The following HLCS variants were observed in gnomAD, a reference collection of about 807,000 sequenced individuals.
The protein encoded by HLCS is holocarboxylase synthetase, also known as biotin--protein ligase.
In HLCS, 53 loss-of-function variants were observed where a neutral mutation model predicts 75.0. The ratio of observed to expected loss-of-function variants is 0.71; its 90% confidence interval spans 0.57 to 0.89. The LOEUF (loss-of-function observed/expected upper bound fraction) is 0.89, where lower values mean the gene tolerates loss of function less well. Among genes scored for constraint, HLCS ranks in the 40% least tolerant of loss-of-function variants. The probability of loss-of-function intolerance (pLI) is 0.00; values close to 1 mark genes in which losing one functional copy is unlikely to be tolerated. For synonymous variants in HLCS, 431 were observed against 428.6 expected, an observed-to-expected ratio of 1.01 and a Z score of -0.07; for missense variants, 966 against 1,074.0, an observed-to-expected ratio of 0.90 and a Z score of 1.41.
chr21:36,946,202 T>C (rs1392603037), intron 2 of HLCS: 13 of 463,656 alleles, frequency 2.8e-5, no homozygotes, highest in Non-Finnish European at 3.7e-5. Flanking sequence ...TTACAACAGT[T>C]TGTGGCCCTC....
Position 36,817,749 on chromosome 21 carries a change from A to T in HLCS, c.1893-50464T>A, listed in dbSNP as rs571769148. Among the ~76,000 whole-genome samples the T allele has an allele frequency of 2.0e-5, 3 of 152,358 alleles. No homozygotes were observed. The South Asian group carries it at 6.2e-4, about 32-fold the overall frequency. On this transcript the variant is annotated intron_variant, in intron 6 of 10. Coordinates refer to ENST00000674895, the MANE Select transcript of HLCS (RefSeq NM_001352514.2). ...GGAATGTTTATGCCTAAAAAAGAAG[A>T]TTCTGTGTTCTATTGTGTCAGACGC... is the stretch of plus-strand genomic sequence containing the variant.
chr21:36,984,276 T>A (rs1425822065), intron 1 of HLCS, among the ~76,000 whole-genome samples: 1 of 152,166 alleles, frequency 6.6e-6, no homozygotes, highest in Admixed American at 6.5e-5. Context: ...CTATATATAT[T>A]GTTTTTTCCT....
chr21:36,817,280 C>T (rs1177572815), intron 6 of HLCS, among the ~76,000 whole-genome samples: 2 of 152,164 alleles, frequency 1.3e-5, no homozygotes, highest in Non-Finnish European at 2.9e-5. Context: ...TACGTCTTTG[C>T]TCAGTCTGGA....
intron 6 of HLCS, among the ~76,000 whole-genome samples, chr21:36,839,659 G>A (rs1051349266): frequency 1.3e-5 from 2 of 152,126 alleles, no homozygotes; most frequent in Non-Finnish European, 2.9e-5. Flanking sequence ...CATCACAGAA[G>A]ACATCCCAAC....
intron 6 of HLCS, among the ~76,000 whole-genome samples, chr21:36,810,764 A>C (rs2061488743): frequency 6.6e-6 from 1 of 152,186 alleles, no homozygotes; most frequent in South Asian, 2.1e-4. Context: ...TTCCTTCTAA[A>C]AATGTAGAAA....
intron 6 of HLCS, among the ~76,000 whole-genome samples, chr21:36,869,236 C>T (rs930270272): frequency 3.3e-5 from 5 of 151,976 alleles, no homozygotes; most frequent in African/African-American, 7.2e-5. Context: ...GCCATTCTCC[C>T]GCCTCAGCCT....
rs1425683930 is a variant in HLCS at position 36,812,089 on chromosome 21, T to C, written c.1893-44804A>G. 3.3e-5 allele frequency among the ~76,000 whole-genome samples: 5 copies of C among 152,222 alleles called. No homozygotes were observed. In the East Asian group the frequency reaches 9.7e-4, roughly 29 times the overall value. On this transcript the variant is annotated intron_variant, in intron 6 of 10. Coordinates refer to ENST00000674895, the MANE Select transcript of HLCS (RefSeq NM_001352514.2). ...CATGATCATTCTGCTCAACAAGAAC[T>C]TGCAGGAGCCACAGACCTGCCTCAC...
chr21:36,958,651 T>C (rs188261688), intron 2 of HLCS, among the ~76,000 whole-genome samples: 1 of 152,196 alleles, frequency 6.6e-6, no homozygotes, highest in East Asian at 1.9e-4. Flanking sequence ...TAGCTGGGCG[T>C]GGCAGCGTGC....
chr21:36,801,207 CTT>C (rs1265023531), intron 6 of HLCS, among the ~76,000 whole-genome samples: 4 of 152,196 alleles, frequency 2.6e-5, no homozygotes, highest in African/African-American at 4.8e-5. Context: ...AATGATTACC[CTT>C]GTCATTCGTG....
intron 5 of HLCS, among the ~76,000 whole-genome samples, chr21:36,902,896 C>T (rs1020756014): frequency 6.6e-6 from 1 of 152,154 alleles, no homozygotes; most frequent in Non-Finnish European, 1.5e-5. Flanking sequence ...AGAGAGGAGG[C>T]AGTGAGCTGA....
At chr21:36,920,814 T>C (rs946009628) in intron 5 of HLCS, among the ~76,000 whole-genome samples, 3 of 152,176 alleles carry the variant, frequency 2.0e-5, no homozygotes, top group African/African-American at 7.2e-5. Context: ...AAGCATTTTA[T>C]TAACTAAAAA....
At chr21:36,767,970 G>A (rs2090099908) in intron 6 of HLCS, among the ~76,000 whole-genome samples, 1 of 152,034 alleles carries the variant, frequency 6.6e-6, no homozygotes, top group African/African-American at 2.4e-5. Flanking sequence ...CACCAAATGA[G>A]TCGATATTAA....
chr21:36,943,596 G>A (rs2067247563), intron 2 of HLCS: 1 of 152,148 alleles, frequency 6.6e-6, no homozygotes, highest in Non-Finnish European at 1.5e-5. Context: ...TGAGGCAGAA[G>A]GATCAGGAAT....
intron 1 of HLCS, among the ~76,000 whole-genome samples, chr21:36,982,513 T>C (rs1045305908): frequency 6.6e-6 from 1 of 152,230 alleles, no homozygotes; most frequent in Admixed American, 6.5e-5. Flanking sequence ...TCAAACACAT[T>C]TTCCTTTCAA....
intron 5 of HLCS, among the ~76,000 whole-genome samples, chr21:36,913,115 C>G (rs922789505): frequency 5.3e-5 from 8 of 152,084 alleles, no homozygotes; most frequent in African/African-American, 1.9e-4. Context: ...TCATTAGCAC[C>G]GTCCACAGCA....
chr21:36,865,395 AG>A (rs1180029648), intron 6 of HLCS, among the ~76,000 whole-genome samples: 3 of 152,160 alleles, frequency 2.0e-5, no homozygotes, highest in African/African-American at 7.2e-5. Flanking sequence ...AAAGAAGCAA[AG>A]ATGGAAAAAG....
At chr21:36,867,860 C>T (rs1231656907) in intron 6 of HLCS, among the ~76,000 whole-genome samples, 3 of 152,102 alleles carry the variant, frequency 2.0e-5, no homozygotes, top group Admixed American at 2.0e-4. Flanking sequence ...TGACCAGGTG[C>T]GGTGGCTCAC....
rs559584296 is a variant in HLCS at position 36,917,316 on chromosome 21, G to A, written c.1620+12935C>T. On this transcript the variant is annotated intron_variant, in intron 5 of 10. Coordinates refer to ENST00000674895, the MANE Select transcript of HLCS (RefSeq NM_001352514.2). ...AACAAGCCTTCATGCTGCCTTTGCC[G>A]GGGAAGGGCTGCTGAACCATTCTGA... 3.3e-5 allele frequency among the ~76,000 whole-genome samples: 5 copies of A among 152,212 alleles called. No homozygotes were observed. The South Asian group carries it at 8.3e-4, about 25-fold the overall frequency.
chr21:36,793,853 CT>C (rs1169046772), intron 6 of HLCS, among the ~76,000 whole-genome samples: 1 of 152,146 alleles, frequency 6.6e-6, no homozygotes, highest in Non-Finnish European at 1.5e-5. Flanking sequence ...GCCAAGAGAC[CT>C]CAGACAAGTT....
Sources: allele counts gnomAD v4.1 joint callset (sites outside exome capture counted in the v4.1 genomes callset), GRCh38; gene constraint gnomAD v4.1.1; transcripts MANE v1.5; gene names NCBI Gene and HGNC (gene_info 2026-07-23, HGNC 2026-07-21).